Variants in IL1RAPL2 observed in about 807,000 individuals in gnomAD.
IL1RAPL2 encodes the protein interleukin 1 receptor accessory protein like 2.
A neutral mutation model predicts 44.1 loss-of-function variants in IL1RAPL2; 3 were observed. The ratio of observed to expected loss-of-function variants is 0.07; its 90% CI spans 0.03 to 0.18. IL1RAPL2 has a LOEUF of 0.18. IL1RAPL2 is among the 10% of genes least tolerant of loss of function. The pLI, the probability that IL1RAPL2 is intolerant of heterozygous loss-of-function variation, is 1.00. For synonymous variants in IL1RAPL2, 181 were observed against 178.8 expected (o/e 1.01, Z -0.10); for missense variants, 391 against 496.4 (o/e 0.79, Z 2.02).
chrX:104,605,508 C>T, intron 1 of IL1RAPL2, among the ~76,000 whole-genome samples: 1 of 111,320 alleles, frequency 9.0e-6, no homozygotes, highest in Non-Finnish European at 1.9e-5. Flanking sequence ...AAAAACCCTT[C>T]AAAACATCCA....
chrX:105,144,072 CAG>C (rs1461200794), intron 2 of IL1RAPL2, among the ~76,000 whole-genome samples: 2 of 105,259 alleles, frequency 1.9e-5, no homozygotes, highest in African/African-American at 3.5e-5. Flanking sequence ...AGATTACAGT[CAG>C]AGTCTCCTTT....
intron 1 of IL1RAPL2, among the ~76,000 whole-genome samples, chrX:104,604,909 A>G (rs751385404): frequency 1.8e-5 from 2 of 111,169 alleles, no homozygotes; most frequent in South Asian, 7.6e-4. Context: ...GACAGATCAA[A>G]GAGACAGAAA....
chrX:105,624,819 G>A (rs2037442561), intron 6 of IL1RAPL2, among the ~76,000 whole-genome samples: 1 of 111,674 alleles, frequency 9.0e-6, no homozygotes, highest in Non-Finnish European at 1.9e-5. Flanking sequence ...TAACCTCTCA[G>A]CCTTAGTTTC....
intron 2 of IL1RAPL2, among the ~76,000 whole-genome samples, chrX:104,898,374 A>G (rs972620565): frequency 2.6e-4 from 29 of 112,677 alleles, no homozygotes; most frequent in African/African-American, 6.4e-4. Context: ...AGCATGCTCA[A>G]TGAGAGACAA....
intron 2 of IL1RAPL2, among the ~76,000 whole-genome samples, chrX:104,776,279 A>G (rs948225956): frequency 8.9e-6 from 1 of 111,948 alleles, no homozygotes; most frequent in African/African-American, 3.2e-5. Flanking sequence ...TTACAGAGAT[A>G]TAGCTAAGCT....
intron 2 of IL1RAPL2, among the ~76,000 whole-genome samples, chrX:105,100,047 G>A (rs2032652652): frequency 1.8e-5 from 2 of 109,530 alleles, no homozygotes; most frequent in African/African-American, 3.3e-5. Context: ...GAGAGAGAGA[G>A]AAAAATAGAA....
At chrX:105,031,440 GT>G (rs1180449410) in intron 2 of IL1RAPL2, among the ~76,000 whole-genome samples, 6 of 111,664 alleles carry the variant, frequency 5.4e-5, no homozygotes, top group Non-Finnish European at 7.5e-5. Context: ...TTTATTGAGA[GT>G]TTTTAGCATG....
chrX:104,607,956 A>G (rs1214136132), intron 1 of IL1RAPL2, among the ~76,000 whole-genome samples: 2 of 112,229 alleles, frequency 1.8e-5, no homozygotes, highest in South Asian at 7.5e-4. Flanking sequence ...ACAGTTCACA[A>G]TAGCAAAGAC....
At chrX:105,265,446 A>G (rs1246915631) in intron 4 of IL1RAPL2, among the ~76,000 whole-genome samples, 2 of 111,743 alleles carry the variant, frequency 1.8e-5, no homozygotes, top group African/African-American at 6.5e-5. Context: ...GAAACCTTAT[A>G]TCCCAAGGTT....
rs1418423511 is a variant in IL1RAPL2 at position 105,723,465 on chromosome X, C to T, written c.902+5969C>T. ...CATGTTGATATAGGCTTTTTCTAGCCTGCTCCTCCAAATTATTCCAGCCTC... is the reference window on the plus strand; with the variant it reads ...CATGTTGATATAGGCTTTTTCTAGCTTGCTCCTCCAAATTATTCCAGCCTC... On this transcript the variant is annotated intron_variant, in intron 7 of 10. Coordinates refer to ENST00000372582, the MANE Select transcript of IL1RAPL2 (RefSeq NM_017416.2). Among the ~76,000 whole-genome samples the T allele has an allele frequency of 3.6e-5, 4 of 111,465 alleles. No homozygotes were observed. The Admixed American group carries it at 3.8e-4, about 11-fold the overall frequency.
At chrX:105,048,060 T>A (rs970418438) in intron 2 of IL1RAPL2, among the ~76,000 whole-genome samples, 1 of 109,542 alleles carries the variant, frequency 9.1e-6, no homozygotes, top group Non-Finnish European at 1.9e-5. Flanking sequence ...AGTGAGCAAG[T>A]AAGGAAGCAG....
intron 5 of IL1RAPL2, among the ~76,000 whole-genome samples, chrX:105,416,773 C>T (rs1029322535): frequency 8.9e-6 from 1 of 111,771 alleles, no homozygotes; most frequent in Non-Finnish European, 1.9e-5. Flanking sequence ...GCTTCTGTTT[C>T]GCTTGCTTCT....
rs1279130132 is a variant in IL1RAPL2, at chrX:104,868,976, A to G, written c.82+209981A>G. ...TTTCTTTTTTTCTGAGCATATGTTA[A>G]TGTCAAATATTCATTTGTTTTAATA... On this transcript the variant is annotated intron_variant, in intron 2 of 10. Transcript: ENST00000372582. 2.7e-5 allele frequency among the ~76,000 whole-genome samples: 3 copies of G among 111,608 alleles called. No individual in the cohort carries two copies. The Admixed American group carries it at 2.9e-4, about 11-fold the overall frequency.
At chrX:104,767,989 T>G in intron 2 of IL1RAPL2, among the ~76,000 whole-genome samples, 1 of 112,397 alleles carries the variant, frequency 8.9e-6, no homozygotes. Context: ...AATTCTTTAT[T>G]TTTAATTGAC....
At position 104,791,811 on chromosome X, in the gene IL1RAPL2, G is replaced by A. The variant is rs1327506378; in HGVS notation, c.82+132816G>A. Among the ~76,000 whole-genome samples the A allele has an allele frequency of 6.3e-5, 7 of 111,390 alleles. No homozygotes were observed. The East Asian group carries it at 1.7e-3, about 27-fold the overall frequency. Reference sequence around the variant, plus strand: ...CCTCAGTTTCCTCCCCTCTAAAAGAGACCATAGAACTAATGTATTTGAGTG... The same window carrying A: ...CCTCAGTTTCCTCCCCTCTAAAAGAAACCATAGAACTAATGTATTTGAGTG... On this transcript the variant is annotated intron_variant, in intron 2 of 10. Coordinates refer to ENST00000372582, the MANE Select transcript of IL1RAPL2 (RefSeq NM_017416.2).
intron 2 of IL1RAPL2, among the ~76,000 whole-genome samples, chrX:105,165,201 C>T (rs17332232): frequency 0.066 from 7,400 of 111,757 alleles, 257 homozygotes; most frequent in Non-Finnish European, 0.1. Context: ...ATCCTTTGTA[C>T]TCCCCACTGA....
intron 2 of IL1RAPL2, among the ~76,000 whole-genome samples, chrX:105,194,877 C>G (rs1330695012): frequency 6.3e-5 from 7 of 111,638 alleles, no homozygotes; most frequent in Non-Finnish European, 1.3e-4. Context: ...GAATCAGAGA[C>G]TGGTCTTCCA....
chrX:104,949,069 G>A (rs1925484987), intron 2 of IL1RAPL2, among the ~76,000 whole-genome samples: 1 of 110,970 alleles, frequency 9.0e-6, no homozygotes, highest in Non-Finnish European at 1.9e-5. Context: ...TGGTTGGTAA[G>A]CTATTGATTA....
At chrX:105,001,098 A>G (rs146669504) in intron 2 of IL1RAPL2, among the ~76,000 whole-genome samples, 8 of 111,302 alleles carry the variant, frequency 7.2e-5, no homozygotes, top group East Asian at 2.9e-4. Context: ...ATTTAAGCAA[A>G]TGGGTTCCTA....
Sources: allele counts gnomAD v4.1 joint callset (sites outside exome capture counted in the v4.1 genomes callset), GRCh38; gene constraint gnomAD v4.1.1; transcripts MANE v1.5; gene names NCBI Gene and HGNC (gene_info 2026-07-23, HGNC 2026-07-21).